The following CACNA1A variants were observed in gnomAD, a reference collection of about 807,000 sequenced individuals.
The protein encoded by CACNA1A is calcium voltage-gated channel subunit alpha1 A.
CACNA1A carries 57 observed loss-of-function variants against 262.4 expected under a neutral mutation model. The observed-to-expected ratio is 0.22, with a 90% CI of 0.18 to 0.27. The LOEUF (loss-of-function observed/expected upper bound fraction) is 0.27, where lower values mean the gene tolerates loss of function less well. CACNA1A is among the 10% of genes least tolerant of loss of function. CACNA1A has a pLI of 1.00. For missense variants in CACNA1A, 2,526 were observed against 3,562.8 expected (o/e 0.71, Z 7.41); for synonymous variants, 1,431 against 1,419.3 (o/e 1.01, Z -0.18).
At chr19:13,215,860 G>A (rs981366089) in intron 38 of CACNA1A, among the ~76,000 whole-genome samples, 2 of 152,152 alleles carry the variant, frequency 1.3e-5, no homozygotes, top group Non-Finnish European at 1.5e-5. Context: ...TTACTGCAGT[G>A]ACCCATCTGT....
At chr19:13,210,864 C>T (rs1416753659) in intron 43 of CACNA1A, 27 of 622,004 alleles carry the variant, frequency 4.3e-5, no homozygotes, top group South Asian at 2.3e-4. Flanking sequence ...CGGGGCTGGG[C>T]GTCCTCTATT....
chr19:13,363,883 A>G (rs1405923737), intron 5 of CACNA1A: 2 of 152,240 alleles, frequency 1.3e-5, no homozygotes, highest in Non-Finnish European at 2.9e-5. Flanking sequence ...GAAATACTGA[A>G]GGCATCCCTT....
rs185966522 is a variant in CACNA1A, at chr19:13,394,399, C to T, written c.540-22620G>A. On this transcript the variant is annotated intron_variant, in intron 3 of 46. Coordinates refer to ENST00000360228, the MANE Select transcript of CACNA1A (RefSeq NM_001127222.2). ...AACAAAACATGAGATGATGATCCCG[C>T]CATACAATTGCCTGCTAACTTCATC... Among the ~76,000 whole-genome samples the T allele has an allele frequency of 5.0e-3, 526 of 104,848 alleles. 3 individuals carry two copies. Among genetic ancestry groups the T allele is most frequent in the Admixed American group, 6.3e-3 (76 of 11,992 alleles). The allele number at this position is 104,848 out of a possible 152,430, so 68.8% of individuals were successfully genotyped here.
chr19:13,281,780 C>A (rs2057298697), intron 22 of CACNA1A, among the ~76,000 whole-genome samples: 1 of 152,182 alleles, frequency 6.6e-6, no homozygotes, highest in African/African-American at 2.4e-5. Flanking sequence ...CCACAGTGTT[C>A]TTGTAGAGAA....
chr19:13,222,153 C>T (rs533242761), intron 38 of CACNA1A, among the ~76,000 whole-genome samples: 15 of 151,994 alleles, frequency 9.9e-5, no homozygotes, highest in African/African-American at 2.9e-4. Context: ...GTGATCCACC[C>T]GCTTCAGCCT....
intron 37 of CACNA1A, chr19:13,227,151 C>T (rs974194567): frequency 3.1e-5 from 7 of 222,740 alleles, no homozygotes; most frequent in African/African-American, 4.6e-5. Flanking sequence ...GGGACCTGGG[C>T]GCTCCCCTCC....
chr19:13,375,069 C>T (rs540617326), intron 3 of CACNA1A, among the ~76,000 whole-genome samples: 168 of 152,206 alleles, frequency 1.1e-3, no homozygotes, highest in Middle Eastern at 3.4e-3. Flanking sequence ...TCAAGGAGGT[C>T]TATCAGGGCC....
At chr19:13,468,343 C>T (rs113710545) in intron 1 of CACNA1A, among the ~76,000 whole-genome samples, 1 of 152,030 alleles carries the variant, frequency 6.6e-6, no homozygotes, top group Non-Finnish European at 1.5e-5. Context: ...TCTCCTGATT[C>T]AATTTTCAAC....
chr19:13,283,465 A>G, intron 21 of CACNA1A, 69 bp from the exon 22 acceptor site: 1 of 1,590,846 alleles, frequency 6.3e-7, no homozygotes, highest in Non-Finnish European at 8.6e-7. Context: ...TTCTTCCATA[A>G]TCTCATGTTA....
At chr19:13,360,667 G>A (rs1470829039) in intron 5 of CACNA1A, among the ~76,000 whole-genome samples, 2 of 151,926 alleles carry the variant, frequency 1.3e-5, no homozygotes, top group East Asian at 1.9e-4. Flanking sequence ...TAGTGGAGAT[G>A]GGGTTTCACC....
At chr19:13,246,859 G>C (rs996512448) in intron 30 of CACNA1A, among the ~76,000 whole-genome samples, 4 of 151,898 alleles carry the variant, frequency 2.6e-5, no homozygotes, top group East Asian at 1.9e-4. Context: ...ATCTCCTGAC[G>C]TTGTGATCCA....
intron 3 of CACNA1A, among the ~76,000 whole-genome samples, chr19:13,430,218 T>TATATA (rs57084768): frequency 2.0e-5 from 3 of 151,404 alleles, no homozygotes; most frequent in Admixed American, 6.6e-5. Flanking sequence ...TATATATATA[T>TATATA]TTTTTGAGAC....
Position 13,489,400 on chromosome 19 carries a change from T to C in CACNA1A, c.293+16532A>G, listed in dbSNP as rs1980483852. On this transcript the variant is annotated intron_variant, in intron 1 of 46. Transcript: ENST00000360228. Reference sequence around the variant, plus strand: ...GTCTCCCGGGCTCAAGAGATCCTCCTACCTCAGCCTCCCAAGTAGCTGGGA... The same window carrying C: ...GTCTCCCGGGCTCAAGAGATCCTCCCACCTCAGCCTCCCAAGTAGCTGGGA... Among the ~76,000 whole-genome samples, 5 of 152,114 alleles carry C rather than the reference T, an allele frequency of 3.3e-5. No homozygotes were observed. In the South Asian group the frequency reaches 1.0e-3, roughly 31 times the overall value.
chr19:13,294,118 T>C (rs187266694), intron 19 of CACNA1A, among the ~76,000 whole-genome samples: 359 of 152,000 alleles, frequency 2.4e-3, no homozygotes, highest in Non-Finnish European at 4.6e-3. Context: ...GTCTTTCTTT[T>C]TTTTTTAGAC....
intron 6 of CACNA1A, among the ~76,000 whole-genome samples, chr19:13,351,839 C>T (rs2058916899): frequency 6.6e-6 from 1 of 152,010 alleles, no homozygotes; most frequent in African/African-American, 2.4e-5. Flanking sequence ...TAAGATGAGT[C>T]TTGCTGTGTT....
intron 1 of CACNA1A, among the ~76,000 whole-genome samples, chr19:13,469,024 C>T (rs1280591412): frequency 6.6e-6 from 1 of 152,052 alleles, no homozygotes; most frequent in African/African-American, 2.4e-5. Flanking sequence ...AAAGGTGCCC[C>T]CAAGAAGTCA....
At chr19:13,402,883 T>TACACACACACACACAC (rs1568611167) in intron 3 of CACNA1A, among the ~76,000 whole-genome samples, 2 of 77,960 alleles carry the variant, frequency 2.6e-5, no homozygotes, top group African/African-American at 1.5e-4. Context: ...CATATATATA[T>TACACACACACACACAC]ATATATATAT....
At chr19:13,329,796 T>C (rs972753051) in intron 10 of CACNA1A, among the ~76,000 whole-genome samples, 7 of 149,572 alleles carry the variant, frequency 4.7e-5, no homozygotes, top group Non-Finnish European at 3.0e-5. Context: ...TTTTTTTTTT[T>C]CTGTGCCCAG....
chr19:13,305,635 C>T (rs921554207), intron 15 of CACNA1A, among the ~76,000 whole-genome samples: 13 of 152,188 alleles, frequency 8.5e-5, no homozygotes, highest in Non-Finnish European at 1.6e-4. Context: ...CACCAGATGC[C>T]AGTAGCACCC....
Sources: gnomAD v4.1 joint callset for allele counts (sites outside exome capture counted in the v4.1 genomes callset) on GRCh38, gnomAD v4.1.1 for gene constraint, MANE v1.5 for transcripts, NCBI Gene and HGNC (gene_info 2026-07-23, HGNC 2026-07-21) for gene names.